The following FAR2 variants were observed in gnomAD, a reference collection of about 807,000 sequenced individuals.
The protein encoded by FAR2 is epididymis secretory protein Li 81.
FAR2 carries 19 observed loss-of-function variants against 56.0 expected under a neutral mutation model. The observed-to-expected ratio is 0.34, with a 90% confidence interval of 0.24 to 0.50. FAR2 has a LOEUF of 0.50. Among genes scored for constraint, FAR2 ranks in the 20% least tolerant of loss-of-function variants. The pLI is 0.98. For missense variants in FAR2, 508 were observed against 642.2 expected, an observed-to-expected ratio of 0.79 and a Z score of 2.26; for synonymous variants, 219 against 218.8, an observed-to-expected ratio of 1.00 and a Z score of -0.01.
In FAR2 at chr12:29,262,153, A is replaced by G. The variant is rs908349656; in HGVS notation, c.-38-8259A>G. On this transcript the variant is annotated intron_variant, in intron 1 of 11. Coordinates refer to ENST00000536681, the MANE Select transcript of FAR2 (RefSeq NM_001271783.2). ...ATAATACATAAAAAGAAAAAGTTAA[A>G]AAGTGGCAAGATGAAGTTAAAGTGT... 5.3e-5 allele frequency among the ~76,000 whole-genome samples: 8 copies of G among 152,246 alleles called. No individual in the cohort carries two copies. In the East Asian group the frequency reaches 1.5e-3, roughly 29 times the overall value.
intron 2 of FAR2, among the ~76,000 whole-genome samples, chr12:29,276,761 C>T (rs1290959162): frequency 6.6e-6 from 1 of 151,674 alleles, no homozygotes; most frequent in Non-Finnish European, 1.5e-5. Context: ...AAAATAAAGA[C>T]AAGACAGATA....
At chr12:29,214,981 A>G (rs533106778) in intron 1 of FAR2, among the ~76,000 whole-genome samples, 161 of 152,320 alleles carry the variant, frequency 1.1e-3, no homozygotes, top group African/African-American at 3.7e-3. Flanking sequence ...CTGAGACCTG[A>G]ATGTAATAAA....
chr12:29,225,988 G>C (rs1947762901), intron 1 of FAR2, among the ~76,000 whole-genome samples: 1 of 152,206 alleles, frequency 6.6e-6, no homozygotes, highest in Admixed American at 6.5e-5. Flanking sequence ...CTGGGTGACA[G>C]TTCTTGCTCT....
intron 4 of FAR2, among the ~76,000 whole-genome samples, chr12:29,298,797 A>G (rs1949112464): frequency 6.6e-6 from 1 of 152,138 alleles, no homozygotes; most frequent in Non-Finnish European, 1.5e-5. Context: ...TGTCCAGGAG[A>G]GGGGCAGACC....
chr12:29,289,861 C>T (rs780573205), intron 2 of FAR2, among the ~76,000 whole-genome samples: 16 of 152,018 alleles, frequency 1.1e-4, no homozygotes, highest in South Asian at 6.2e-4. Context: ...TATAATAATC[C>T]GATCAAAAAA....
In FAR2 at chr12:29,273,895, C is replaced by T. The variant is rs577288136; in HGVS notation, c.189+3257C>T. ...TCCCTTGGCTGGGGAGAGGGGACTC[C>T]CCTTCGCCGTGTGGCTCTCAGGTGG... On this transcript the variant is annotated intron_variant, in intron 2 of 11. Coordinates refer to ENST00000536681, the MANE Select transcript of FAR2 (RefSeq NM_001271783.2). 6.6e-5 allele frequency among the ~76,000 whole-genome samples: 10 copies of T among 152,174 alleles called. No homozygotes were observed. In the South Asian group the frequency reaches 1.9e-3, roughly 29 times the overall value.
intron 1 of FAR2, among the ~76,000 whole-genome samples, chr12:29,194,476 C>A (rs943305958): frequency 2.6e-5 from 4 of 151,364 alleles, no homozygotes; most frequent in Non-Finnish European, 4.4e-5. Context: ...AAAGTTGGAA[C>A]AGACCTCCAT....
At chr12:29,157,436 A>C (rs1949738781) in intron 1 of FAR2, among the ~76,000 whole-genome samples, 1 of 151,986 alleles carries the variant, frequency 6.6e-6, no homozygotes, top group Admixed American at 6.6e-5. Context: ...GCCCCAAAAC[A>C]TTGAAGCCCA....
intron 1 of FAR2, among the ~76,000 whole-genome samples, chr12:29,161,439 TTA>T (rs1309160448): frequency 2.0e-5 from 3 of 152,230 alleles, no homozygotes; most frequent in South Asian, 2.1e-4. Context: ...TTACTCAATA[TTA>T]TGTTTGTGAG....
chr12:29,240,050 C>T (rs1179726930), intron 1 of FAR2, among the ~76,000 whole-genome samples: 5 of 152,302 alleles, frequency 3.3e-5, no homozygotes, highest in Admixed American at 1.3e-4. Context: ...CATCTTCCAT[C>T]GTTCCAAGAG....
Position 29,213,327 on chromosome 12 carries a change from G to A in FAR2, c.-38-57085G>A, listed in dbSNP as rs181972381. 1.4e-4 allele frequency among the ~76,000 whole-genome samples: 21 copies of A among 152,174 alleles called. 1 individual carries two copies. Among genetic ancestry groups the A allele is most frequent in the African/African-American group, 5.1e-4 (21 of 41,530 alleles). On this transcript the variant is annotated intron_variant, in intron 1 of 11. Coordinates refer to ENST00000536681, the MANE Select transcript of FAR2 (RefSeq NM_001271783.2). ...CTGCAGAGGCCATAGAACATTAATA[G>A]AAATACAAAATGAGGGCACATATGA...
At chr12:29,203,999 C>CAAAAAAAAAAA (rs34399942) in intron 1 of FAR2, among the ~76,000 whole-genome samples, 7 of 68,114 alleles carry the variant, frequency 1.0e-4, no homozygotes, top group South Asian at 7.6e-4. Context: ...GATTCCATCT[C>CAAAAAAAAAAA]AAAAAAAAAA....
chr12:29,312,464 A>T (rs752387272), intron 8 of FAR2, among the ~76,000 whole-genome samples: 1 of 152,176 alleles, frequency 6.6e-6, no homozygotes, highest in Non-Finnish European at 1.5e-5. Flanking sequence ...GCGATTTGTA[A>T]AAGTGAATAG....
At chr12:29,269,340 C>T (rs1012426470) in intron 1 of FAR2, among the ~76,000 whole-genome samples, 4 of 152,170 alleles carry the variant, frequency 2.6e-5, no homozygotes, top group African/African-American at 9.7e-5. Flanking sequence ...TCTGTTCCTC[C>T]CAGCTCACTG....
chr12:29,185,416 G>A (rs1950032278), intron 1 of FAR2, among the ~76,000 whole-genome samples: 1 of 152,082 alleles, frequency 6.6e-6, no homozygotes, highest in South Asian at 2.1e-4. Context: ...CACAAAACAT[G>A]TATACAAATG....
intron 1 of FAR2, among the ~76,000 whole-genome samples, chr12:29,150,079 G>T (rs1051358558): frequency 6.6e-6 from 1 of 152,200 alleles, no homozygotes; most frequent in African/African-American, 2.4e-5. Flanking sequence ...TCTTCCTGCG[G>T]CCTGGGCATC....
intron 1 of FAR2, among the ~76,000 whole-genome samples, chr12:29,262,957 T>C (rs1467963636): frequency 1.3e-5 from 2 of 152,176 alleles, no homozygotes; most frequent in Admixed American, 1.3e-4. Flanking sequence ...TGGAAAAAGA[T>C]ATTTCATGCT....
intron 1 of FAR2, among the ~76,000 whole-genome samples, chr12:29,261,560 G>A (rs1245334362): frequency 6.6e-6 from 1 of 152,138 alleles, no homozygotes; most frequent in African/African-American, 2.4e-5. Context: ...CAATATCCAA[G>A]TATAAGGAGG....
intron 1 of FAR2, among the ~76,000 whole-genome samples, chr12:29,196,076 A>C (rs1425002165): frequency 6.6e-6 from 1 of 152,060 alleles, no homozygotes; most frequent in Non-Finnish European, 1.5e-5. Context: ...TACATGACAT[A>C]TTTTCTTTAT....
Sources: allele counts gnomAD v4.1 joint callset (sites outside exome capture counted in the v4.1 genomes callset), GRCh38; gene constraint gnomAD v4.1.1; transcripts MANE v1.5; gene names NCBI Gene and HGNC (gene_info 2026-07-23, HGNC 2026-07-21).